The following DIAPH3 variants were observed in gnomAD, a reference collection of about 807,000 sequenced individuals.
The protein encoded by DIAPH3 is protein diaphanous homolog 3.
In DIAPH3, 117 loss-of-function variants were observed where a neutral mutation model predicts 144.3. The observed-to-expected ratio is 0.81, with a 90% CI of 0.70 to 0.95. The LOEUF (loss-of-function observed/expected upper bound fraction) is 0.95. DIAPH3 is among the 40% of genes least tolerant of loss of function. The pLI is 0.00. For synonymous variants in DIAPH3, 519 were observed against 488.9 expected (o/e 1.06, Z -0.81); for missense variants, 1,421 against 1,412.7 (o/e 1.01, Z -0.09).
intron 25 of DIAPH3, among the ~76,000 whole-genome samples, chr13:59,799,207 G>T (rs2039767042): frequency 6.6e-6 from 1 of 151,996 alleles, no homozygotes; most frequent in African/African-American, 2.4e-5. Flanking sequence ...GCCAAAGCAG[G>T]GAGGCTGTTA....
intron 5 of DIAPH3, among the ~76,000 whole-genome samples, chr13:60,023,388 A>G (rs1425261683): frequency 6.6e-6 from 1 of 150,992 alleles, no homozygotes. Flanking sequence ...GAAATTCGCA[A>G]TTTGGGCACT....
At chr13:59,848,511 A>G (rs202052098) in intron 22 of DIAPH3, among the ~76,000 whole-genome samples, 5 of 130,566 alleles carry the variant, frequency 3.8e-5, no homozygotes, top group African/African-American at 1.1e-4. Flanking sequence ...ATTCCCCTTC[A>G]TGTGTCCATG....
intron 17 of DIAPH3, among the ~76,000 whole-genome samples, chr13:59,961,472 C>G (rs566567804): frequency 6.6e-6 from 1 of 152,180 alleles, no homozygotes; most frequent in African/African-American, 2.4e-5. Flanking sequence ...CAAATACTTA[C>G]AGAAGTGAAT....
chr13:59,867,083 A>C (rs1411477126), intron 21 of DIAPH3, among the ~76,000 whole-genome samples: 1 of 148,518 alleles, frequency 6.7e-6, no homozygotes, highest in Non-Finnish European at 1.5e-5. Flanking sequence ...AAATATTTTT[A>C]AATATATATT....
At chr13:60,012,714 C>T (rs1387645338) in intron 7 of DIAPH3, 3 of 152,788 alleles carry the variant, frequency 2.0e-5, no homozygotes, top group African/African-American at 7.2e-5. Flanking sequence ...CAAGGTGACT[C>T]ATGCTGACTT....
intron 20 of DIAPH3, among the ~76,000 whole-genome samples, chr13:59,910,191 CTAAA>C (rs2046924277): frequency 1.3e-5 from 2 of 150,538 alleles, no homozygotes; most frequent in Non-Finnish European, 3.0e-5. Flanking sequence ...AAAAAACACT[CTAAA>C]TAGTCTGTGG....
At chr13:59,801,064 A>T (rs1011567627) in intron 25 of DIAPH3, among the ~76,000 whole-genome samples, 7 of 152,216 alleles carry the variant, frequency 4.6e-5, no homozygotes, top group Admixed American at 2.6e-4. Context: ...ACGTGAATCC[A>T]GCAGAAAGTA....
intron 24 of DIAPH3, among the ~76,000 whole-genome samples, chr13:59,811,479 C>T (rs995118530): frequency 1.3e-5 from 2 of 152,080 alleles, no homozygotes; most frequent in Non-Finnish European, 1.5e-5. Flanking sequence ...TGGCTCACGC[C>T]TGTAATCCCA....
chr13:60,120,921 A>G (rs1011926516), intron 2 of DIAPH3, among the ~76,000 whole-genome samples: 47 of 152,216 alleles, frequency 3.1e-4, no homozygotes, highest in African/African-American at 1.0e-3. Context: ...TGAAGCCACC[A>G]AGTTTTGAGA....
At chr13:60,020,603 A>C (rs995838266) in intron 5 of DIAPH3, among the ~76,000 whole-genome samples, 1 of 152,112 alleles carries the variant, frequency 6.6e-6, no homozygotes, top group Non-Finnish European at 1.5e-5. Flanking sequence ...GCCTCAAGCA[A>C]ATCCTCTCAC....
intron 17 of DIAPH3, among the ~76,000 whole-genome samples, chr13:59,944,908 G>T (rs1413082325): frequency 1.3e-5 from 2 of 151,856 alleles, no homozygotes; most frequent in African/African-American, 2.4e-5. Context: ...CTCATAACTG[G>T]CCACTAACTA....
chr13:60,162,657 T>C (rs1952347448), intron 1 of DIAPH3, among the ~76,000 whole-genome samples: 1 of 152,220 alleles, frequency 6.6e-6, no homozygotes, highest in Non-Finnish European at 1.5e-5. Context: ...CTCAGTCTTA[T>C]TCAACTATTA....
chr13:60,066,416 T>C (rs1342168644), intron 4 of DIAPH3, among the ~76,000 whole-genome samples: 2 of 152,160 alleles, frequency 1.3e-5, no homozygotes, highest in Non-Finnish European at 1.5e-5. Flanking sequence ...TACAGTGGTG[T>C]TGCTGGTAAA....
intron 17 of DIAPH3, among the ~76,000 whole-genome samples, chr13:59,964,729 A>C (rs1297668905): frequency 1.1e-3 from 168 of 152,250 alleles, no homozygotes; most frequent in Non-Finnish European, 2.1e-4. Flanking sequence ...TTTAATGGGA[A>C]GATAAGATAT....
intron 23 of DIAPH3, chr13:59,838,474 T>C (rs1040730342): frequency 3.3e-5 from 5 of 151,962 alleles, no homozygotes; most frequent in African/African-American, 1.2e-4. Flanking sequence ...TCAATACAAG[T>C]AGTGACTATA....
At chr13:59,825,100 A>G (rs916810030) in intron 24 of DIAPH3, among the ~76,000 whole-genome samples, 2 of 151,938 alleles carry the variant, frequency 1.3e-5, no homozygotes, top group African/African-American at 4.8e-5. Context: ...GGTTAGTTAC[A>G]TATGTATACA....
chr13:59,687,923 T>C (rs1458401179), intron 27 of DIAPH3, among the ~76,000 whole-genome samples: 4 of 152,174 alleles, frequency 2.6e-5, no homozygotes, highest in Non-Finnish European at 5.9e-5. Context: ...CAAAAACATA[T>C]TGGTGTCTAA....
At chr13:59,921,395 C>A (rs2047512380) in intron 18 of DIAPH3, among the ~76,000 whole-genome samples, 1 of 150,628 alleles carries the variant, frequency 6.6e-6, no homozygotes, top group Non-Finnish European at 1.5e-5. Flanking sequence ...AAAGATATTA[C>A]AACTGACACC....
intron 24 of DIAPH3, among the ~76,000 whole-genome samples, chr13:59,829,978 T>C (rs1353701494): frequency 1.3e-5 from 2 of 151,906 alleles, no homozygotes; most frequent in Non-Finnish European, 2.9e-5. Flanking sequence ...AGTGGATGAA[T>C]AAACAATGGA....
Sources: allele counts gnomAD v4.1 joint callset (sites outside exome capture counted in the v4.1 genomes callset), GRCh38; gene constraint gnomAD v4.1.1; transcripts MANE v1.5; gene names NCBI Gene and HGNC (gene_info 2026-07-23, HGNC 2026-07-21).